Variants in CNTN5 observed in about 807,000 individuals in gnomAD.
CNTN5 encodes contactin-5.
A neutral mutation model predicts 129.1 loss-of-function variants in CNTN5; 77 were observed. That is an observed-to-expected ratio of 0.60 (90% CI 0.50 to 0.72). The LOEUF is 0.72. CNTN5 is among the 30% of genes least tolerant of loss of function. The pLI is 0.00. For synonymous variants in CNTN5, 509 were observed against 465.6 expected, an observed-to-expected ratio of 1.09 and a Z score of -1.20; for missense variants, 1,478 against 1,328.8, an observed-to-expected ratio of 1.11 and a Z score of -1.75.
chr11:99,885,852 A>G (rs1221524717), intron 6 of CNTN5, among the ~76,000 whole-genome samples: 1 of 152,180 alleles, frequency 6.6e-6, no homozygotes, highest in African/African-American at 2.4e-5. Flanking sequence ...AAATGTTGCA[A>G]AAAGTCCTCC....
chr11:99,263,145 C>A (rs1422650332), intron 1 of CNTN5, among the ~76,000 whole-genome samples: 2 of 152,024 alleles, frequency 1.3e-5, no homozygotes, highest in African/African-American at 4.8e-5. Flanking sequence ...TAATTTTGAG[C>A]ACAGGCAGAT....
intron 1 of CNTN5, among the ~76,000 whole-genome samples, chr11:99,042,829 G>A (rs911355390): frequency 1.3e-5 from 2 of 148,590 alleles, no homozygotes; most frequent in Non-Finnish European, 2.9e-5. Context: ...GGTGTTTAAC[G>A]TACAGCTCCA....
intron 16 of CNTN5, among the ~76,000 whole-genome samples, chr11:100,240,219 A>ACCCCC (rs1468030423): frequency 6.0e-5 from 9 of 149,684 alleles, no homozygotes; most frequent in African/African-American, 2.3e-4. Context: ...AATTATCAAC[A>ACCCCC]CCCCGCCCCA....
intron 1 of CNTN5, among the ~76,000 whole-genome samples, chr11:99,021,587 GA>G (rs1862871787): frequency 6.6e-6 from 1 of 152,160 alleles, no homozygotes; most frequent in South Asian, 2.1e-4. Context: ...TAAATGCCAG[GA>G]TAAAGTGAGG....
intron 2 of CNTN5, among the ~76,000 whole-genome samples, chr11:99,413,181 T>C (rs1942477314): frequency 6.6e-6 from 1 of 152,164 alleles, no homozygotes; most frequent in Non-Finnish European, 1.5e-5. Flanking sequence ...TAGAGTCAAG[T>C]ATTAACGGGG....
In CNTN5 at chr11:99,591,233, A is replaced by G. The variant is rs951879227; in HGVS notation, c.55+34964A>G. 3.3e-5 allele frequency among the ~76,000 whole-genome samples: 5 copies of G among 149,498 alleles called. No homozygotes were observed. The Admixed American group carries it at 3.3e-4, about 10-fold the overall frequency. On this transcript the variant is annotated intron_variant, in intron 3 of 24. Coordinates refer to ENST00000524871, the MANE Select transcript of CNTN5 (RefSeq NM_014361.4). ...GCTTTTTCTTGGACAGCAAATTTAAACCCCTGCTAACACCAGCAGAGCCCA... is the reference window on the plus strand; with the variant it reads ...GCTTTTTCTTGGACAGCAAATTTAAGCCCCTGCTAACACCAGCAGAGCCCA...
At chr11:99,994,920 T>G (rs1939347086) in intron 8 of CNTN5, among the ~76,000 whole-genome samples, 1 of 151,950 alleles carries the variant, frequency 6.6e-6, no homozygotes, top group Non-Finnish European at 1.5e-5. Flanking sequence ...GAAGAGGAAG[T>G]AAAAGAAAGG....
At chr11:99,728,625 A>T (rs7931826) in intron 3 of CNTN5, among the ~76,000 whole-genome samples, 63,571 of 151,984 alleles carry the variant, frequency 0.42, 13,566 homozygotes, top group South Asian at 0.62. Context: ...TCGGGATAGA[A>T]ACCTGCTTAG....
intron 13 of CNTN5, 137 bp from the exon 14 acceptor site, chr11:100,190,989 T>C (rs1042115883): frequency 6.9e-5 from 34 of 492,928 alleles, no homozygotes; most frequent in Non-Finnish European, 1.1e-4. Context: ...ATTTCTACTA[T>C]CACTGCATAT....
intron 16 of CNTN5, among the ~76,000 whole-genome samples, chr11:100,239,099 T>C (rs900562678): frequency 1.3e-5 from 2 of 152,194 alleles, no homozygotes; most frequent in African/African-American, 4.8e-5. Flanking sequence ...CTTGCATTCG[T>C]TTCCTGAAGT....
At chr11:99,782,881 G>C (rs1945364550) in intron 3 of CNTN5, among the ~76,000 whole-genome samples, 1 of 151,756 alleles carries the variant, frequency 6.6e-6, no homozygotes, top group Non-Finnish European at 1.5e-5. Context: ...AACCCTAGAA[G>C]AAAACCTAGG....
At chr11:99,598,278 TC>T in intron 3 of CNTN5, among the ~76,000 whole-genome samples, 6 of 3,506 alleles carry the variant, frequency 1.7e-3, no homozygotes, top group Non-Finnish European at 2.3e-3. Flanking sequence ...TCTTTTCTTT[TC>T]TTTTCTTTTC....
chr11:99,902,924 A>C (rs1949397151), intron 6 of CNTN5, among the ~76,000 whole-genome samples: 1 of 152,182 alleles, frequency 6.6e-6, no homozygotes, highest in Non-Finnish European at 1.5e-5. Context: ...GTTTTTAGCC[A>C]AGATGTAAGA....
At chr11:100,043,550 C>A (rs535894464) in intron 9 of CNTN5, among the ~76,000 whole-genome samples, 2 of 152,246 alleles carry the variant, frequency 1.3e-5, no homozygotes, top group African/African-American at 2.4e-5. Context: ...CATAAACTTG[C>A]AGTTGCTTTC....
intron 2 of CNTN5, among the ~76,000 whole-genome samples, chr11:99,385,735 C>T (rs2136173082): frequency 6.6e-6 from 1 of 152,090 alleles, no homozygotes; most frequent in Non-Finnish European, 1.5e-5. Flanking sequence ...ACTGGAAGAT[C>T]CAGAATAAGA....
At chr11:99,377,862 G>A (rs1322238942) in intron 2 of CNTN5, among the ~76,000 whole-genome samples, 1 of 151,992 alleles carries the variant, frequency 6.6e-6, no homozygotes, top group Non-Finnish European at 1.5e-5. Flanking sequence ...CTTCACCCAA[G>A]TCCTTTACAC....
chr11:99,318,821 C>T lies in CNTN5; in HGVS notation c.-209-6525C>T, dbSNP rs185629462. Among the ~76,000 whole-genome samples, 82 of 152,284 alleles carry T rather than the reference C, an allele frequency of 5.4e-4. No homozygotes were observed. In the East Asian group the frequency reaches 0.013, roughly 24 times the overall value. On this transcript the variant is annotated intron_variant, in intron 1 of 24. Transcript: ENST00000524871. ...TGGTGATCCACCTGGTATCATTAAA[C>T]ATTGACTCCATATCATGAATGGTTC...
chr11:99,753,651 GAA>G (rs201045916), intron 3 of CNTN5, among the ~76,000 whole-genome samples: 3,330 of 96,290 alleles, frequency 0.035, 66 homozygotes, highest in Non-Finnish European at 0.051. Context: ...AATTTTTACT[GAA>G]AAAAAAAAAA....
At chr11:99,088,836 T>A (rs980786271) in intron 1 of CNTN5, among the ~76,000 whole-genome samples, 2 of 152,222 alleles carry the variant, frequency 1.3e-5, no homozygotes, top group South Asian at 2.1e-4. Context: ...CTGTCATTTT[T>A]AAATTTTTGC....
Sources: allele counts gnomAD v4.1 joint callset (sites outside exome capture counted in the v4.1 genomes callset), GRCh38; gene constraint gnomAD v4.1.1; transcripts MANE v1.5; gene names NCBI Gene and HGNC (gene_info 2026-07-23, HGNC 2026-07-21).